Variants in FBXW11 observed in about 807,000 individuals in gnomAD.
FBXW11 encodes the protein F-box/WD repeat-containing protein 11.
Under a neutral mutation model 77.6 loss-of-function variants are expected in FBXW11, and 19 were observed. The observed-to-expected ratio is 0.24, with a 90% confidence interval of 0.17 to 0.36. The LOEUF (loss-of-function observed/expected upper bound fraction) is 0.36, where lower values mean the gene tolerates loss of function less well. Among genes scored for constraint, FBXW11 ranks in the 10% least tolerant of loss-of-function variants. FBXW11 has a pLI of 1.00. For synonymous variants in FBXW11, 235 were observed against 249.4 expected (o/e 0.94, Z 0.54); for missense variants, 334 against 704.2 (o/e 0.47, Z 5.95).
At position 171,910,454 on chromosome 5, in the gene FBXW11, G is replaced by A. The variant is rs1055160805; in HGVS notation, c.436+118C>T. 20 of 598,074 alleles carry A rather than the reference G, an allele frequency of 3.3e-5. 1 individual carries two copies. The highest frequency in any genetic ancestry group is 1.0e-4 in the Admixed American group (3 of 29,438). The allele number at this position is 598,074 out of a possible 1,614,324, so 37.0% of individuals were successfully genotyped here. ...TCGAGTTCCATATATTAAAGTATGC[G>A]TCCCAAAGAAATGCTGCCTCACACA... On this transcript the variant is annotated intron_variant, in intron 4 of 13. Coordinates refer to ENST00000517395, the MANE Select transcript of FBXW11 (RefSeq NM_001378974.1).
intron 2 of FBXW11, among the ~76,000 whole-genome samples, chr5:171,936,109 T>TA (rs61349170): frequency 0.027 from 1,580 of 58,984 alleles, 29 homozygotes; most frequent in Non-Finnish European, 0.031. Flanking sequence ...AGACTCCATC[T>TA]AAAAAAAAAA....
At chr5:171,924,073 C>T (rs1271024452) in intron 2 of FBXW11, among the ~76,000 whole-genome samples, 1 of 151,628 alleles carries the variant, frequency 6.6e-6, no homozygotes, top group African/African-American at 2.4e-5. Context: ...TACAGGCACC[C>T]GCCACGACAC....
intron 2 of FBXW11, among the ~76,000 whole-genome samples, chr5:171,929,652 C>A (rs920229558): frequency 1.3e-5 from 2 of 151,830 alleles, no homozygotes; most frequent in Non-Finnish European, 2.9e-5. Context: ...GAGATCGAGA[C>A]CATCCTGGCT....
intron 13 of FBXW11, chr5:171,867,830 A>ACTAC (rs1447785020): frequency 6.6e-6 from 1 of 152,228 alleles, no homozygotes; most frequent in African/African-American, 2.4e-5. Flanking sequence ...ATATATCCAT[A>ACTAC]GTAGTATGTT....
At chr5:171,918,872 C>T (rs767094233) in intron 2 of FBXW11, among the ~76,000 whole-genome samples, 1 of 152,112 alleles carries the variant, frequency 6.6e-6, no homozygotes, top group Non-Finnish European at 1.5e-5. Flanking sequence ...CGCCAAATGT[C>T]CCAGGGAAGG....
At chr5:171,979,386 G>A (rs185265675) in intron 1 of FBXW11, among the ~76,000 whole-genome samples, 74 of 152,078 alleles carry the variant, frequency 4.9e-4, no homozygotes, top group African/African-American at 1.7e-3. Context: ...TGAAGGAAGG[G>A]AAGAATACAT....
chr5:172,004,866 T>TGCGC lies in FBXW11; in HGVS notation c.45+1591_45+1592insGCGC, dbSNP rs1554112088. On this transcript the variant is annotated intron_variant, in intron 1 of 13. Coordinates refer to ENST00000517395, the MANE Select transcript of FBXW11 (RefSeq NM_001378974.1). Reference sequence around the variant, plus strand: ...ACATCCCTTTGAAAACAACCCCACGTGCACACACACACACACACACACACA... The same window carrying TGCGC: ...ACATCCCTTTGAAAACAACCCCACGTGCGCGCACACACACACACACACACACACA... Among the ~76,000 whole-genome samples the TGCGC allele has an allele frequency of 2.9e-3, 227 of 77,644 alleles. 1 individual carries two copies. Among genetic ancestry groups the TGCGC allele is most frequent in the African/African-American group, 0.011 (219 of 19,216 alleles). The allele number at this position is 77,644 out of a possible 152,430, so 50.9% of individuals were successfully genotyped here.
At chr5:171,953,314 G>A (rs1763441979) in intron 2 of FBXW11, among the ~76,000 whole-genome samples, 1 of 152,116 alleles carries the variant, frequency 6.6e-6, no homozygotes, top group Non-Finnish European at 1.5e-5. Context: ...AGGTTTTAGT[G>A]TCTATAAAAT....
chr5:171,873,041 T>A, intron 9 of FBXW11, 51 bp from the exon 10 acceptor site: 1 of 1,415,086 alleles, frequency 7.1e-7, no homozygotes, highest in Non-Finnish European at 9.9e-7. Context: ...GAAAGTCCTC[T>A]CACAATATAC....
At chr5:171,916,136 G>GC (rs1761226870) in intron 2 of FBXW11, among the ~76,000 whole-genome samples, 1 of 151,228 alleles carries the variant, frequency 6.6e-6, no homozygotes, top group African/African-American at 2.4e-5. Flanking sequence ...TATACCTAAT[G>GC]TAAATGACGA....
At chr5:171,961,480 G>T (rs1212584128) in intron 1 of FBXW11, among the ~76,000 whole-genome samples, 1 of 152,112 alleles carries the variant, frequency 6.6e-6, no homozygotes, top group African/African-American at 2.4e-5. Flanking sequence ...CCACCTTTTA[G>T]TAAGAAAGTC....
intron 1 of FBXW11, among the ~76,000 whole-genome samples, chr5:171,968,397 G>A (rs1317342725): frequency 6.6e-6 from 1 of 150,986 alleles, no homozygotes; most frequent in Non-Finnish European, 1.5e-5. Context: ...GGCGGAGCTT[G>A]CAGTGAGCGG....
intron 1 of FBXW11, among the ~76,000 whole-genome samples, chr5:171,982,955 A>G (rs1235619947): frequency 2.6e-5 from 4 of 152,002 alleles, no homozygotes. Flanking sequence ...TAATCCCACC[A>G]CTTTGGGAGG....
chr5:171,870,862 G>C lies in FBXW11; in HGVS notation c.1341-4C>G. 1 of 1,606,588 alleles carries C rather than the reference G, an allele frequency of 6.2e-7. No individual in the cohort carries two copies. The highest frequency in any genetic ancestry group is 8.5e-7 in the Non-Finnish European group (1 of 1,173,846). ...ACCACATTCAATATCCCAGAGCCTT[G>C]AATGAAAAACAGACCTCTGTGAAAC... On this transcript the variant is annotated splice_polypyrimidine_tract_variant and splice_region_variant and intron_variant, in intron 10 of 13. Transcript: ENST00000517395.
At chr5:171,913,281 A>G (rs141311221) in intron 3 of FBXW11, among the ~76,000 whole-genome samples, 11 of 152,352 alleles carry the variant, frequency 7.2e-5, no homozygotes, top group Middle Eastern at 3.4e-3. Flanking sequence ...TTATTTACAG[A>G]TAAGTTCCTA....
At chr5:171,962,898 ATC>A (rs1265249725) in intron 1 of FBXW11, among the ~76,000 whole-genome samples, 1 of 152,108 alleles carries the variant, frequency 6.6e-6, no homozygotes, top group African/African-American at 2.4e-5. Context: ...TATGTTAATC[ATC>A]TCTCTAATGT....
chr5:172,006,442 A>G lies in FBXW11; in HGVS notation c.45+16T>C. 1 of 1,543,480 alleles carries G rather than the reference A, an allele frequency of 6.5e-7. No individual in the cohort carries two copies. Among genetic ancestry groups the G allele is most frequent in the South Asian group, 1.2e-5 (1 of 83,554 alleles). On this transcript the variant is annotated intron_variant, in intron 1 of 13. Transcript: ENST00000517395. ...GGACGGACGGAAGCACAGACGGTCC[A>G]GCGGGCCGCACTCACCATGAGCTCG...
intron 2 of FBXW11, among the ~76,000 whole-genome samples, chr5:171,914,852 C>T (rs373383074): frequency 6.6e-6 from 1 of 152,172 alleles, no homozygotes; most frequent in Non-Finnish European, 1.5e-5. Flanking sequence ...CCCCTGCCTT[C>T]GTCTTTCCTC....
In FBXW11 at chr5:171,872,915, T is replaced by C; in HGVS notation, c.1297A>G (p.Arg433Gly). 1 of 1,614,186 alleles carries C rather than the reference T, an allele frequency of 6.2e-7. No homozygotes were observed. The highest frequency in any genetic ancestry group is 2.2e-5 in the East Asian group (1 of 44,886). The stretch of plus-strand genomic sequence containing the variant: ...GATCCACTAACAACCAGGCGATCCC[T>C]GTACTGGAGACAGGCAATGCCCCGC... ...HKRGIACLQY[R>G]DRLVVSGSSD... is the part of the protein sequence containing the mutation. The change falls in exon 10 of 14, where the codon AGG (arginine) becomes GGG (glycine). Residue 433 changes from arginine to glycine, a missense_variant. Arg to Gly is a moderately radical substitution (Grantham distance 125). Around this residue, in one of 10 missense-constraint regions of FBXW11, gnomAD observed 50 missense variants for 119.6 expected, o/e 0.42. Coordinates refer to ENST00000517395, the MANE Select transcript of FBXW11 (RefSeq NM_001378974.1).
Sources: allele counts gnomAD v4.1 joint callset (sites outside exome capture counted in the v4.1 genomes callset), GRCh38; gene constraint gnomAD v4.1.1; regional missense constraint gnomAD v4.1.1; transcripts MANE v1.5; gene names NCBI Gene and HGNC (gene_info 2026-07-23, HGNC 2026-07-21).